LYPD6: variants seen among roughly 807,000 people sequenced by gnomAD.
The protein encoded by LYPD6 is ly6/PLAUR domain-containing protein 6.
In LYPD6, 15 loss-of-function variants were observed where a neutral mutation model predicts 22.7. The observed-to-expected ratio is 0.66, with a 90% confidence interval of 0.44 to 1.02. The LOEUF (loss-of-function observed/expected upper bound fraction) is 1.02, where lower values mean the gene tolerates loss of function less well. Ranked by LOEUF, LYPD6 falls within the 50% of genes least tolerant of loss-of-function variation. The pLI, the probability that LYPD6 is intolerant of heterozygous loss-of-function variation, is 0.00. For synonymous variants in LYPD6, 72 were observed against 77.5 expected (o/e 0.93, Z 0.37); for missense variants, 189 against 208.4 (o/e 0.91, Z 0.57).
chr2:149,444,221 C>T (rs1683631347), intron 2 of LYPD6, among the ~76,000 whole-genome samples: 1 of 152,076 alleles, frequency 6.6e-6, no homozygotes, highest in Non-Finnish European at 1.5e-5. Context: ...TCGTTGGCCA[C>T]CATGTTCCAC....
chr2:149,334,051 A>G (rs1009635663), intron 1 of LYPD6, among the ~76,000 whole-genome samples: 1 of 152,226 alleles, frequency 6.6e-6, no homozygotes, highest in African/African-American at 2.4e-5. Flanking sequence ...GTGATAAGAA[A>G]AACAAGTCTT....
chr2:149,427,416 A>T (rs1683209420), intron 1 of LYPD6, among the ~76,000 whole-genome samples: 1 of 152,212 alleles, frequency 6.6e-6, no homozygotes, highest in African/African-American at 2.4e-5. Flanking sequence ...ATAAAAAATG[A>T]CAAGCTGTAA....
chr2:149,455,402 G>A (rs1336624239), intron 3 of LYPD6, among the ~76,000 whole-genome samples: 1 of 151,778 alleles, frequency 6.6e-6, no homozygotes, highest in African/African-American at 2.4e-5. Context: ...GGGACTACAG[G>A]CGCCCACCAC....
At chr2:149,413,612 A>G (rs959748682) in intron 1 of LYPD6, among the ~76,000 whole-genome samples, 1 of 152,172 alleles carries the variant, frequency 6.6e-6, no homozygotes, top group African/African-American at 2.4e-5. Context: ...CCCTGGCATT[A>G]GCACTTCCCC....
rs1000695335 is a variant in LYPD6 at position 149,334,424 on chromosome 2, A to G, written c.-72+3702A>G. On this transcript the variant is annotated intron_variant, in intron 1 of 4. Coordinates refer to ENST00000334166, the MANE Select transcript of LYPD6 (RefSeq NM_194317.5). ...TCTTTGCTTCTGTTTTTGCTGAGTA[A>G]TATTCCTACACCCAGGCTTTCTCAA... 6.6e-5 allele frequency among the ~76,000 whole-genome samples: 10 copies of G among 152,218 alleles called. 1 individual carries two copies. The East Asian group carries it at 1.5e-3, about 23-fold the overall frequency.
At chr2:149,435,475 C>T (rs1412640625) in intron 1 of LYPD6, among the ~76,000 whole-genome samples, 2 of 152,188 alleles carry the variant, frequency 1.3e-5, no homozygotes, top group African/African-American at 4.8e-5. Flanking sequence ...ATAGTGCTGC[C>T]AGGTATCCAT....
At chr2:149,370,470 T>G (rs1681783061) in intron 1 of LYPD6, 1 of 152,114 alleles carries the variant, frequency 6.6e-6, no homozygotes, top group South Asian at 2.1e-4. Context: ...ATAAGAGGCG[T>G]GAGGGTGCTG....
chr2:149,354,600 T>C (rs1397784881), intron 1 of LYPD6, among the ~76,000 whole-genome samples: 1 of 152,170 alleles, frequency 6.6e-6, no homozygotes, highest in Non-Finnish European at 1.5e-5. Context: ...ACAGCAGCTT[T>C]CTATGGCCCC....
chr2:149,413,484 C>G (rs1195252330), intron 1 of LYPD6, among the ~76,000 whole-genome samples: 1 of 152,228 alleles, frequency 6.6e-6, no homozygotes, highest in Non-Finnish European at 1.5e-5. Context: ...TACAGTTTAT[C>G]TGGCCCGAAA....
chr2:149,391,432 C>T (rs971328735), intron 1 of LYPD6, among the ~76,000 whole-genome samples: 1 of 151,830 alleles, frequency 6.6e-6, no homozygotes, highest in African/African-American at 2.4e-5. Context: ...ATGGCATGGA[C>T]TATTGTGGAT....
intron 1 of LYPD6, among the ~76,000 whole-genome samples, chr2:149,396,667 A>T (rs1361739248): frequency 6.6e-6 from 1 of 152,082 alleles, no homozygotes; most frequent in Non-Finnish European, 1.5e-5. Context: ...GGGTTGATTT[A>T]CTATTGAAAC....
At chr2:149,387,679 A>T (rs1175834123) in intron 1 of LYPD6, among the ~76,000 whole-genome samples, 1 of 152,214 alleles carries the variant, frequency 6.6e-6, no homozygotes, top group African/African-American at 2.4e-5. Context: ...GATAGGGCAG[A>T]CAATGAGCAC....
intron 1 of LYPD6, among the ~76,000 whole-genome samples, chr2:149,419,518 G>T (rs1683033331): frequency 6.6e-6 from 1 of 152,186 alleles, no homozygotes. Context: ...ACACATTTCA[G>T]TTGTGGCTAG....
chr2:149,414,929 AC>A (rs1325380834), intron 1 of LYPD6, among the ~76,000 whole-genome samples: 2 of 152,172 alleles, frequency 1.3e-5, no homozygotes, highest in South Asian at 2.1e-4. Context: ...TCCTCCTGTT[AC>A]GTTTTGTTCA....
At chr2:149,353,179 G>A (rs1161858682) in intron 1 of LYPD6, among the ~76,000 whole-genome samples, 1 of 152,248 alleles carries the variant, frequency 6.6e-6, no homozygotes, top group Non-Finnish European at 1.5e-5. Flanking sequence ...AACTTTGCCA[G>A]AGTGAAAATG....
intron 1 of LYPD6, among the ~76,000 whole-genome samples, chr2:149,358,396 A>G (rs1420024774): frequency 6.6e-6 from 1 of 152,230 alleles, no homozygotes; most frequent in Non-Finnish European, 1.5e-5. Context: ...ACACAAAGAT[A>G]GGGACTGGCT....
chr2:149,437,920 G>T, intron 2 of LYPD6, 94 bp downstream of exon 2: 1 of 1,362,636 alleles, frequency 7.3e-7, no homozygotes, highest in Non-Finnish European at 1.0e-6. Context: ...TCAGTATAGT[G>T]AAAACCTCCC....
At chr2:149,468,392 G>T (rs1403250647) in intron 3 of LYPD6, among the ~76,000 whole-genome samples, 1 of 152,122 alleles carries the variant, frequency 6.6e-6, no homozygotes, top group Non-Finnish European at 1.5e-5. Flanking sequence ...AAGGCAAGGA[G>T]AAACCATTGT....
At chr2:149,408,420 GTTC>G (rs1244956697) in intron 1 of LYPD6, among the ~76,000 whole-genome samples, 1 of 152,160 alleles carries the variant, frequency 6.6e-6, no homozygotes, top group African/African-American at 2.4e-5. Flanking sequence ...TTTCCCAGGT[GTTC>G]TTTGAGTTTC....
Sources: allele counts gnomAD v4.1 joint callset (sites outside exome capture counted in the v4.1 genomes callset), GRCh38; gene constraint gnomAD v4.1.1; transcripts MANE v1.5; gene names NCBI Gene and HGNC (gene_info 2026-07-23, HGNC 2026-07-21).